ZCCHC4: variants seen among roughly 807,000 people sequenced by gnomAD.
ZCCHC4 encodes zinc finger CCHC-type containing 4, also known as rRNA N(6)-adenosine-methyltransferase ZCCHC4.
A neutral mutation model predicts 67.7 loss-of-function variants in ZCCHC4; 54 were observed. That is an observed-to-expected ratio of 0.80 (90% CI 0.64 to 1.00). The LOEUF (loss-of-function observed/expected upper bound fraction) is 1.00, where lower values mean the gene tolerates loss of function less well. ZCCHC4 is among the 50% of genes least tolerant of loss of function. The pLI is 0.00. For synonymous variants in ZCCHC4, 198 were observed against 213.5 expected, an observed-to-expected ratio of 0.93 and a Z score of 0.63; for missense variants, 609 against 617.0, an observed-to-expected ratio of 0.99 and a Z score of 0.14.
chr4:25,340,840 CA>C (rs1168048660), intron 5 of ZCCHC4, among the ~76,000 whole-genome samples: 1 of 151,882 alleles, frequency 6.6e-6, no homozygotes, highest in Non-Finnish European at 1.5e-5. Context: ...TACAGTTAAC[CA>C]TTGAATAACA....
At position 25,315,316 on chromosome 4, in the gene ZCCHC4, A is replaced by C; in HGVS notation, c.247-2A>C. 1 of 1,610,814 alleles carries C rather than the reference A, an allele frequency of 6.2e-7. No homozygotes were observed. The highest frequency in any genetic ancestry group is 8.5e-7 in the Non-Finnish European group (1 of 1,178,486). On this transcript the variant is annotated splice_acceptor_variant, in intron 2 of 12. Transcript: ENST00000302874. LOFTEE classifies it high-confidence loss of function. Reference sequence around the variant, plus strand: ...TTCAATGGGTTTTGTACTCTCTTTCAGTTGTCAGGAGCTAGACTTGCTGCC... The same window carrying C: ...TTCAATGGGTTTTGTACTCTCTTTCCGTTGTCAGGAGCTAGACTTGCTGCC...
chr4:25,324,997 A>C (rs1393360256), intron 3 of ZCCHC4, among the ~76,000 whole-genome samples: 4 of 152,042 alleles, frequency 2.6e-5, no homozygotes, highest in Admixed American at 6.6e-5. Flanking sequence ...TAATCCCAGC[A>C]CTTTGGGAGG....
At chr4:25,333,042 A>G in intron 3 of ZCCHC4, 141 bp from the exon 4 acceptor site, 2 of 796,046 alleles carry the variant, frequency 2.5e-6, no homozygotes, top group Non-Finnish European at 1.9e-6. Context: ...AACATTCCAC[A>G]GATTTCTTCC....
intron 3 of ZCCHC4, among the ~76,000 whole-genome samples, chr4:25,322,628 G>A (rs1027348298): frequency 2.6e-5 from 4 of 151,880 alleles, no homozygotes; most frequent in African/African-American, 4.8e-5. Context: ...AGAGATTCTC[G>A]TGTCTCAGCC....
chr4:25,345,686 T>C, intron 6 of ZCCHC4, 66 bp downstream of exon 6: 2 of 1,053,312 alleles, frequency 1.9e-6, no homozygotes, highest in Non-Finnish European at 2.8e-6. Flanking sequence ...GAGTGCCTCC[T>C]TTGTTCTTTT....
At chr4:25,339,786 C>T (rs541176432) in intron 5 of ZCCHC4, among the ~76,000 whole-genome samples, 1 of 152,038 alleles carries the variant, frequency 6.6e-6, no homozygotes, top group Admixed American at 6.5e-5. Context: ...GAAAGTCTTG[C>T]CTAATCCAAT....
intron 3 of ZCCHC4, among the ~76,000 whole-genome samples, chr4:25,318,349 CTTTTTTTTTTT>C (rs528144406): frequency 4.4e-5 from 2 of 45,508 alleles, no homozygotes; most frequent in Admixed American, 4.1e-4. Flanking sequence ...CACTCTCTCT[CTTTTTTTTTTT>C]TTTTTTTTTT....
intron 10 of ZCCHC4, among the ~76,000 whole-genome samples, chr4:25,363,005 C>G (rs935670217): frequency 6.6e-6 from 1 of 152,118 alleles, no homozygotes; most frequent in East Asian, 1.9e-4. Context: ...GATGGGCCTG[C>G]GTTGACACAT....
At chr4:25,365,490 A>C in intron 12 of ZCCHC4, 1 of 1,044,152 alleles carries the variant, frequency 9.6e-7, no homozygotes, top group Non-Finnish European at 1.2e-6. Flanking sequence ...GAAGGACATG[A>C]TATTTACGTC....
chr4:25,368,726 T>G (rs1472724265), intron 12 of ZCCHC4, among the ~76,000 whole-genome samples: 1 of 152,212 alleles, frequency 6.6e-6, no homozygotes, highest in African/African-American at 2.4e-5. Flanking sequence ...AAAACTTTTT[T>G]AAAAAGTCCA....
intron 8 of ZCCHC4, among the ~76,000 whole-genome samples, chr4:25,354,302 A>G (rs6840930): frequency 0.013 from 1,956 of 152,306 alleles, 42 homozygotes; most frequent in African/African-American, 0.043. Context: ...GCAAGGTCCA[A>G]GTGTGGACAA....
At chr4:25,313,580 C>G (rs944932435) in intron 1 of ZCCHC4, among the ~76,000 whole-genome samples, 2 of 152,164 alleles carry the variant, frequency 1.3e-5, no homozygotes, top group African/African-American at 4.8e-5. Flanking sequence ...AAGAAACATT[C>G]ATTAAACACA....
chr4:25,363,621 T>C (rs1225479965), intron 10 of ZCCHC4, among the ~76,000 whole-genome samples: 1 of 152,238 alleles, frequency 6.6e-6, no homozygotes, highest in South Asian at 2.1e-4. Context: ...TTCTTGATTA[T>C]ATAATGGTAT....
At chr4:25,360,404 A>G (rs1720684034) in intron 8 of ZCCHC4, among the ~76,000 whole-genome samples, 1 of 152,236 alleles carries the variant, frequency 6.6e-6, no homozygotes, top group African/African-American at 2.4e-5. Context: ...CAGTGCATAG[A>G]GAACACCCTT....
At chr4:25,354,393 C>T (rs569648686) in intron 8 of ZCCHC4, among the ~76,000 whole-genome samples, 1 of 152,008 alleles carries the variant, frequency 6.6e-6, no homozygotes, top group African/African-American at 2.4e-5. Context: ...GCAGTCTTCT[C>T]AATAAAGAGA....
rs746516570 is a variant in ZCCHC4 at position 25,349,516 on chromosome 4, T to G, written c.784T>G (p.Phe262Val). ...GACTGCCCTTGAAGTATGCAGAGCATTTTTACAGGAAGATAAAGGCGAAGG... is the reference window on the plus strand; with the variant it reads ...GACTGCCCTTGAAGTATGCAGAGCAGTTTTACAGGAAGATAAAGGCGAAGG... The part of the protein sequence containing the change: ...GKTALEVCRA[F>V]LQEDKGEGII... The change falls in exon 7 of 13, where the codon TTT (phenylalanine) becomes GTT (valine). Residue 262 changes from phenylalanine to valine, a missense_variant. Coordinates refer to ENST00000302874, the MANE Select transcript of ZCCHC4 (RefSeq NM_024936.3). The G allele has an allele frequency of 6.2e-7, 1 of 1,613,904 alleles. No individual in the cohort carries two copies. The highest frequency in any genetic ancestry group is 8.5e-7 in the Non-Finnish European group (1 of 1,179,866).
At position 25,332,739 on chromosome 4, in the gene ZCCHC4, T is replaced by C. The variant is rs576258417; in HGVS notation, c.330-444T>C. 1.1e-3 allele frequency among the ~76,000 whole-genome samples: 170 copies of C among 152,234 alleles called. 1 individual carries two copies. Among genetic ancestry groups the C allele is most frequent in the Non-Finnish European group, 1.7e-3 (115 of 68,038 alleles). On this transcript the variant is annotated intron_variant, in intron 3 of 12. Transcript: ENST00000302874. ...ATCTTTTCTTTTAGGAGGTAATTTTTCTTGCTAAGTATGTCATAAGAACTT... is the reference window on the plus strand; with the variant it reads ...ATCTTTTCTTTTAGGAGGTAATTTTCCTTGCTAAGTATGTCATAAGAACTT...
At position 25,352,314 on chromosome 4, in the gene ZCCHC4, T is replaced by A. The variant is rs28495964; in HGVS notation, c.1011+625T>A. On this transcript the variant is annotated intron_variant, in intron 8 of 12. Transcript: ENST00000302874. Reference sequence around the variant, plus strand: ...AGCTCCACCTGGTCTTTTAAGTTCATTCTGCTTTAAACTCCACTTTCCTGT... The same window carrying A: ...AGCTCCACCTGGTCTTTTAAGTTCAATCTGCTTTAAACTCCACTTTCCTGT... 1.4e-4 allele frequency: 141 copies of A among 985,482 alleles called. 1 individual carries two copies. The African/African-American group carries it at 2.2e-3, about 16-fold the overall frequency. 61.0% of individuals were successfully genotyped at this position (985,482 alleles called of 1,614,324 possible).
intron 3 of ZCCHC4, among the ~76,000 whole-genome samples, chr4:25,316,985 A>G (rs892109069): frequency 3.3e-5 from 5 of 152,184 alleles, no homozygotes; most frequent in Non-Finnish European, 7.3e-5. Flanking sequence ...TGCATTGTTG[A>G]AATGTTTTAT....
Sources: allele counts gnomAD v4.1 joint callset (sites outside exome capture counted in the v4.1 genomes callset), GRCh38; gene constraint gnomAD v4.1.1; transcripts MANE v1.5; gene names NCBI Gene and HGNC (gene_info 2026-07-23, HGNC 2026-07-21).